The following M1AP variants were observed in gnomAD, a reference collection of about 807,000 sequenced individuals.
The protein encoded by M1AP is meiosis 1 arrest protein.
M1AP carries 39 observed loss-of-function variants against 51.2 expected under a neutral mutation model. That is an observed-to-expected ratio of 0.76 (90% CI 0.59 to 1.00). M1AP has a LOEUF of 1.00. Ranked by LOEUF, M1AP falls within the 50% of genes least tolerant of loss-of-function variation. The pLI is 0.00. For synonymous variants in M1AP, 251 were observed against 249.2 expected (o/e 1.01, Z -0.07); for missense variants, 545 against 641.2 (o/e 0.85, Z 1.62).
chr2:74,581,548 C>G (rs966382557), intron 5 of M1AP, 126 bp downstream of exon 5: 2 of 862,230 alleles, frequency 2.3e-6, no homozygotes, highest in African/African-American at 3.4e-5. Context: ...ATTGGACAGC[C>G]TCATCCAACC....
chr2:74,634,502 C>T (rs556346817), intron 2 of M1AP, among the ~76,000 whole-genome samples: 59 of 152,326 alleles, frequency 3.9e-4, no homozygotes, highest in Middle Eastern at 3.4e-3. Context: ...ACATCATCCA[C>T]AAACCGGGAC....
At chr2:74,583,012 A>G (rs1679504854) in intron 4 of M1AP, among the ~76,000 whole-genome samples, 1 of 151,976 alleles carries the variant, frequency 6.6e-6, no homozygotes, top group South Asian at 2.1e-4. Context: ...CTCCATCTCA[A>G]AAGAAAAATA....
At chr2:74,568,420 G>A (rs750649609) in intron 7 of M1AP, among the ~76,000 whole-genome samples, 20 of 152,190 alleles carry the variant, frequency 1.3e-4, no homozygotes, top group African/African-American at 1.2e-4. Flanking sequence ...GGAAGAGTCC[G>A]GAGAGATGAG....
chr2:74,593,400 A>T (rs1426127967), intron 4 of M1AP, among the ~76,000 whole-genome samples: 2 of 152,170 alleles, frequency 1.3e-5, no homozygotes, highest in African/African-American at 4.8e-5. Flanking sequence ...TTATTTTTTG[A>T]GACAGAGTCT....
At chr2:74,602,389 T>C (rs1680726998) in intron 4 of M1AP, among the ~76,000 whole-genome samples, 1 of 152,116 alleles carries the variant, frequency 6.6e-6, no homozygotes, top group Non-Finnish European at 1.5e-5. Flanking sequence ...TAACAAACCA[T>C]CCATATACAA....
At chr2:74,561,958 T>C (rs1182629006) in intron 8 of M1AP, 1 of 985,280 alleles carries the variant, frequency 1.0e-6, no homozygotes, top group African/African-American at 1.7e-5. Flanking sequence ...CTGATGCCAA[T>C]ATCCCTTTTC....
chr2:74,627,318 T>C (rs1682458348), intron 2 of M1AP, among the ~76,000 whole-genome samples: 1 of 152,186 alleles, frequency 6.6e-6, no homozygotes, highest in Non-Finnish European at 1.5e-5. Context: ...CTTGTTGCTC[T>C]TAGACATATA....
chr2:74,626,257 GT>G (rs1337799000), intron 2 of M1AP, among the ~76,000 whole-genome samples: 1,896 of 125,906 alleles, frequency 0.015, 21 homozygotes, highest in African/African-American at 0.037. Context: ...CTATATTTCA[GT>G]TTTTTTTTTT....
intron 2 of M1AP, among the ~76,000 whole-genome samples, chr2:74,617,461 T>C (rs1336378891): frequency 6.6e-6 from 1 of 152,172 alleles, no homozygotes; most frequent in Non-Finnish European, 1.5e-5. Flanking sequence ...GACTTATAAG[T>C]GCGAGCTAAA....
Position 74,560,260 on chromosome 2 carries a change from G to A in M1AP, c.1313C>T (p.Thr438Ile). The part of the protein sequence containing the change: ...SMLDSLELEP[T>I]YNPLHVQSHL... ...GCTTTGAACATGCAAGGGGTTGTAG[G>A]TGGGCTCCAGCTCCAGGCTGTCCAG... Residue 438 changes from threonine to isoleucine, a missense_variant, in exon 9 of 11, where the codon ACC (threonine) becomes ATC (isoleucine). Transcript: ENST00000421985. 6.2e-7 allele frequency: 1 copy of A among 1,612,714 alleles called. No homozygotes were observed. Among genetic ancestry groups the A allele is most frequent in the South Asian group, 1.1e-5 (1 of 90,840 alleles).
chr2:74,606,397 C>G (rs1027830925), intron 4 of M1AP, among the ~76,000 whole-genome samples: 3 of 151,720 alleles, frequency 2.0e-5, no homozygotes, highest in Admixed American at 1.3e-4. Context: ...TGTAATAAAC[C>G]AAATTGTTTA....
At chr2:74,611,980 G>A (rs1440484105) in intron 3 of M1AP, among the ~76,000 whole-genome samples, 3 of 112,260 alleles carry the variant, frequency 2.7e-5, no homozygotes, top group South Asian at 3.3e-4. Context: ...TGCAAGCTCC[G>A]CCTCCCAGGT....
intron 3 of M1AP, among the ~76,000 whole-genome samples, chr2:74,611,233 A>G (rs1681320683): frequency 6.6e-6 from 1 of 152,200 alleles, no homozygotes; most frequent in Admixed American, 6.5e-5. Flanking sequence ...AAGTTTGTAG[A>G]GTAGTTAAGA....
chr2:74,569,796 C>T (rs940700138), intron 7 of M1AP, among the ~76,000 whole-genome samples: 1 of 151,840 alleles, frequency 6.6e-6, no homozygotes, highest in African/African-American at 2.4e-5. Context: ...GTCAGAGAGG[C>T]TAAGTCAATT....
At chr2:74,601,983 C>T (rs1407899905) in intron 4 of M1AP, among the ~76,000 whole-genome samples, 1 of 152,094 alleles carries the variant, frequency 6.6e-6, no homozygotes, top group Non-Finnish European at 1.5e-5. Flanking sequence ...TCAACATTTG[C>T]TTTTGATGTA....
At chr2:74,559,013 C>T (rs1010346979) in intron 10 of M1AP, 139 bp from the exon 11 acceptor site, 2 of 808,146 alleles carry the variant, frequency 2.5e-6, no homozygotes, top group African/African-American at 3.6e-5. Flanking sequence ...GGACAGTGAT[C>T]TGGAGTCCCT....
chr2:74,588,001 C>T (rs577556566), intron 4 of M1AP, among the ~76,000 whole-genome samples: 7 of 152,204 alleles, frequency 4.6e-5, no homozygotes, highest in South Asian at 4.1e-4. Flanking sequence ...AACATACATA[C>T]GTGCATATAC....
chr2:74,595,688 G>A (rs527976251), intron 4 of M1AP, among the ~76,000 whole-genome samples: 26 of 152,242 alleles, frequency 1.7e-4, no homozygotes, highest in African/African-American at 5.8e-4. Context: ...TAATACACAT[G>A]ACAATTATAA....
chr2:74,647,562 C>T (rs1396849569), intron 1 of M1AP: 2 of 226,128 alleles, frequency 8.8e-6, no homozygotes, highest in African/African-American at 4.7e-5. Flanking sequence ...AATCAAAACA[C>T]TTTCTTTGAC....
Sources: gnomAD v4.1 joint callset for allele counts (sites outside exome capture counted in the v4.1 genomes callset) on GRCh38, gnomAD v4.1.1 for gene constraint, MANE v1.5 for transcripts, NCBI Gene and HGNC (gene_info 2026-07-23, HGNC 2026-07-21) for gene names.